CACNA2D3: variants seen among roughly 807,000 people sequenced by gnomAD.
CACNA2D3 encodes calcium voltage-gated channel auxiliary subunit alpha2delta 3.
Under a neutral mutation model 160.6 loss-of-function variants are expected in CACNA2D3, and 60 were observed. The observed-to-expected ratio is 0.37, with a 90% CI of 0.30 to 0.46. CACNA2D3 has a LOEUF of 0.46. CACNA2D3 is among the 20% of genes least tolerant of loss of function. The pLI is 1.00. For missense variants in CACNA2D3, 1,205 were observed against 1,365.0 expected (o/e 0.88, Z 1.85); for synonymous variants, 558 against 492.9 (o/e 1.13, Z -1.75).
At chr3:54,915,599 T>A (rs1559627203) in intron 27 of CACNA2D3, among the ~76,000 whole-genome samples, 1 of 152,212 alleles carries the variant, frequency 6.6e-6, no homozygotes, top group African/African-American at 2.4e-5. Context: ...AGATAATTTG[T>A]GGTTCTCACA....
chr3:54,633,099 G>A (rs974534589), intron 10 of CACNA2D3, among the ~76,000 whole-genome samples: 2 of 152,158 alleles, frequency 1.3e-5, no homozygotes, highest in Admixed American at 6.5e-5. Context: ...CTCACCCTCA[G>A]GATCACAGCC....
intron 3 of CACNA2D3, among the ~76,000 whole-genome samples, chr3:54,350,987 T>TG (rs1698549884): frequency 1.4e-4 from 4 of 28,784 alleles, no homozygotes; most frequent in South Asian, 1.2e-3. Flanking sequence ...TTTTTGTTTG[T>TG]TTTTTTTTTT....
intron 14 of CACNA2D3, among the ~76,000 whole-genome samples, chr3:54,817,994 CT>C (rs1223365007): frequency 6.6e-6 from 1 of 152,110 alleles, no homozygotes; most frequent in Non-Finnish European, 1.5e-5. Flanking sequence ...GGCTCAATGT[CT>C]TTGATAGGAC....
intron 2 of CACNA2D3, among the ~76,000 whole-genome samples, chr3:54,170,311 C>G (rs1483286269): frequency 6.6e-6 from 1 of 152,086 alleles, no homozygotes; most frequent in Non-Finnish European, 1.5e-5. Context: ...TGCCCCTGGG[C>G]TCTGTTGACC....
chr3:55,016,465 T>C (rs569466931), intron 34 of CACNA2D3, among the ~76,000 whole-genome samples: 1 of 152,334 alleles, frequency 6.6e-6, no homozygotes, highest in Non-Finnish European at 1.5e-5. Flanking sequence ...GTGGCAGGAT[T>C]CACTGCCTGG....
At chr3:54,331,087 ATAAT>A (rs1418863093) in intron 3 of CACNA2D3, among the ~76,000 whole-genome samples, 3 of 152,330 alleles carry the variant, frequency 2.0e-5, no homozygotes, top group East Asian at 3.9e-4. Flanking sequence ...GAAATAAAAA[ATAAT>A]TAATCACATC....
chr3:54,325,254 G>C (rs1704098502), intron 3 of CACNA2D3, among the ~76,000 whole-genome samples: 1 of 152,116 alleles, frequency 6.6e-6, no homozygotes, highest in Non-Finnish European at 1.5e-5. Flanking sequence ...ATACTTTGAG[G>C]ACCAATTCCA....
intron 2 of CACNA2D3, among the ~76,000 whole-genome samples, chr3:54,192,372 A>G (rs778033864): frequency 4.6e-5 from 7 of 152,210 alleles, no homozygotes; most frequent in African/African-American, 1.2e-4. Flanking sequence ...GAGTTTCACC[A>G]TGCAACATGC....
intron 26 of CACNA2D3, 36 bp downstream of exon 26, chr3:54,896,906 T>G (rs1464684169): frequency 2.7e-5 from 44 of 1,613,374 alleles, no homozygotes; most frequent in Non-Finnish European, 3.6e-5. Flanking sequence ...TCTGTCTGTC[T>G]GGTCCAGTGG....
intron 13 of CACNA2D3, among the ~76,000 whole-genome samples, chr3:54,769,948 C>G (rs950966444): frequency 6.6e-6 from 1 of 152,154 alleles, no homozygotes; most frequent in African/African-American, 2.4e-5. Flanking sequence ...CCAGAAAACA[C>G]TGGGATTGTG....
chr3:54,804,525 A>G (rs1365500215), intron 13 of CACNA2D3, among the ~76,000 whole-genome samples: 2 of 152,236 alleles, frequency 1.3e-5, no homozygotes, highest in Non-Finnish European at 2.9e-5. Flanking sequence ...TATGCACCCA[A>G]TACAGGAGCA....
rs187385592 is a variant in CACNA2D3, at chr3:54,812,041, C to T, written c.1381-4812C>T. On this transcript the variant is annotated intron_variant, in intron 13 of 37. Coordinates refer to ENST00000474759, the MANE Select transcript of CACNA2D3 (RefSeq NM_018398.3). The stretch of plus-strand genomic sequence containing the variant: ...AATCACCTGTCATTACTGCTGTCTT[C>T]AATATCCTAGTGCATGGCTGTTAGC... Among the ~76,000 whole-genome samples the T allele has an allele frequency of 2.2e-3, 330 of 152,290 alleles. 1 individual carries two copies. Among genetic ancestry groups the T allele is most frequent in the Admixed American group, 0.015 (233 of 15,308 alleles).
chr3:54,736,043 A>C (rs1267275054), intron 11 of CACNA2D3, among the ~76,000 whole-genome samples: 1 of 46,572 alleles, frequency 2.1e-5, no homozygotes. Context: ...ATGTATATAT[A>C]TACACATACA....
At chr3:54,303,672 G>T (rs901406004) in intron 2 of CACNA2D3, among the ~76,000 whole-genome samples, 2 of 152,132 alleles carry the variant, frequency 1.3e-5, no homozygotes, top group Non-Finnish European at 2.9e-5. Context: ...CTCAGGAGCC[G>T]TTGTGAGAAG....
intron 34 of CACNA2D3, among the ~76,000 whole-genome samples, chr3:55,012,775 G>A (rs1292332781): frequency 2.0e-5 from 3 of 152,004 alleles, no homozygotes; most frequent in Non-Finnish European, 2.9e-5. Flanking sequence ...TCAAAGTATC[G>A]ATAATGCCAC....
At chr3:54,474,321 TCTCA>T (rs1364855862) in intron 4 of CACNA2D3, among the ~76,000 whole-genome samples, 2 of 152,012 alleles carry the variant, frequency 1.3e-5, no homozygotes, top group Admixed American at 6.6e-5. Context: ...CACTGCATGT[TCTCA>T]CTCATCAGTG....
At chr3:54,378,607 C>T (rs1316680254) in intron 3 of CACNA2D3, among the ~76,000 whole-genome samples, 1 of 152,194 alleles carries the variant, frequency 6.6e-6, no homozygotes, top group Non-Finnish European at 1.5e-5. Context: ...CTGAAGGGTC[C>T]TGCGGGGACT....
At chr3:54,162,439 C>T (rs1530734) in intron 2 of CACNA2D3, among the ~76,000 whole-genome samples, 77,975 of 151,864 alleles carry the variant, frequency 0.51, 20,704 homozygotes, top group African/African-American at 0.66. Flanking sequence ...GGGGCCTCTC[C>T]ATATAGTCTC....
chr3:54,410,165 A>G (rs1216661571), intron 4 of CACNA2D3, among the ~76,000 whole-genome samples: 1 of 152,114 alleles, frequency 6.6e-6, no homozygotes, highest in African/African-American at 2.4e-5. Flanking sequence ...CCTGGCCAAC[A>G]TGGTGAAACC....
Sources: gnomAD v4.1 joint callset for allele counts (sites outside exome capture counted in the v4.1 genomes callset) on GRCh38, gnomAD v4.1.1 for gene constraint, MANE v1.5 for transcripts, NCBI Gene and HGNC (gene_info 2026-07-23, HGNC 2026-07-21) for gene names.